The following CHST9 variants were observed in gnomAD, a reference collection of about 807,000 sequenced individuals.
CHST9 encodes the protein carbohydrate sulfotransferase 9, also known as GalNAc-4-sulfotransferase 2.
In CHST9, 41 loss-of-function variants were observed where a neutral mutation model predicts 44.4. The observed-to-expected ratio is 0.92, with a 90% CI of 0.72 to 1.20. CHST9 has a LOEUF of 1.20. Among genes scored for constraint, CHST9 ranks in the 50% most tolerant of loss-of-function variants. The pLI is 0.00. For synonymous variants in CHST9, 171 were observed against 178.4 expected (o/e 0.96, Z 0.33); for missense variants, 504 against 516.5 (o/e 0.98, Z 0.23).
chr18:27,060,780 CTGG>C, intron 2 of CHST9, among the ~76,000 whole-genome samples: 2 of 152,172 alleles, frequency 1.3e-5, no homozygotes, highest in Admixed American at 6.5e-5. Flanking sequence ...TTTGACATTT[CTGG>C]CTAATGACAT....
In CHST9 at chr18:26,914,898, A is replaced by AT. The variant is rs1364862265; in HGVS notation, c.*1360dup. The AT allele has an allele frequency of 7.5e-6, 3 of 397,744 alleles. No individual in the cohort carries two copies. Among genetic ancestry groups the AT allele is most frequent in the African/African-American group, 6.2e-5 (3 of 48,572 alleles). 24.6% of individuals were successfully genotyped at this position (397,744 alleles called of 1,614,324 possible). A position where few individuals can be genotyped will look rare whatever the true frequency, so the allele number is the denominator to read the frequency against. On this transcript the variant is annotated 3_prime_UTR_variant, in exon 6 of 6. Coordinates refer to ENST00000618847, the MANE Select transcript of CHST9 (RefSeq NM_031422.6). Reference sequence around the variant, plus strand: ...TTAAGCAGGGTTTGAAAGACTTGTGATTTTCTTAACTCGGGGTAAAAGTCG... The same window carrying AT: ...TTAAGCAGGGTTTGAAAGACTTGTGATTTTTCTTAACTCGGGGTAAAAGTCG...
At chr18:26,954,611 T>A (rs2145137226) in intron 4 of CHST9, among the ~76,000 whole-genome samples, 1 of 152,164 alleles carries the variant, frequency 6.6e-6, no homozygotes, top group East Asian at 1.9e-4. Flanking sequence ...CTTTTGCACA[T>A]GCTGTTATCT....
chr18:27,097,634 G>A (rs1225736211), intron 2 of CHST9, among the ~76,000 whole-genome samples: 3 of 152,100 alleles, frequency 2.0e-5, no homozygotes, highest in Admixed American at 6.6e-5. Context: ...GGCTTTTGGT[G>A]TTTTAGTCAT....
intron 4 of CHST9, among the ~76,000 whole-genome samples, chr18:26,977,929 T>A (rs1171084677): frequency 6.6e-6 from 1 of 151,924 alleles, no homozygotes; most frequent in East Asian, 1.9e-4. Context: ...AAAAAAAAAA[T>A]TCACAGGCTC....
chr18:27,125,111 T>G (rs891602323), intron 2 of CHST9, among the ~76,000 whole-genome samples: 41 of 152,236 alleles, frequency 2.7e-4, no homozygotes, highest in Non-Finnish European at 5.6e-4. Context: ...TATGTCTTTC[T>G]TAGCTAATTA....
At chr18:27,150,868 T>A (rs1286544088) in intron 1 of CHST9, among the ~76,000 whole-genome samples, 1 of 152,198 alleles carries the variant, frequency 6.6e-6, no homozygotes, top group African/African-American at 2.4e-5. Flanking sequence ...AAATTTATTA[T>A]AAAGCACCTT....
At chr18:27,114,819 C>T (rs1033830375) in intron 2 of CHST9, among the ~76,000 whole-genome samples, 2 of 152,114 alleles carry the variant, frequency 1.3e-5, no homozygotes, top group Non-Finnish European at 2.9e-5. Flanking sequence ...GTATAGAATA[C>T]CACATTCCAC....
At chr18:27,146,333 G>C (rs544898923) in intron 1 of CHST9, among the ~76,000 whole-genome samples, 2 of 152,158 alleles carry the variant, frequency 1.3e-5, no homozygotes, top group African/African-American at 2.4e-5. Flanking sequence ...AAGGCAATCT[G>C]GTGTAAAATG....
At chr18:26,977,056 C>A (rs955880251) in intron 4 of CHST9, among the ~76,000 whole-genome samples, 1 of 150,696 alleles carries the variant, frequency 6.6e-6, no homozygotes, top group Non-Finnish European at 1.5e-5. Context: ...ATGGGAGCAT[C>A]CTTCATGCAA....
At chr18:26,990,991 G>A (rs1219260376) in intron 4 of CHST9, among the ~76,000 whole-genome samples, 1 of 152,196 alleles carries the variant, frequency 6.6e-6, no homozygotes, top group Non-Finnish European at 1.5e-5. Flanking sequence ...AGAGAAACTT[G>A]GGGCTGAGAT....
chr18:27,023,727 A>G (rs1021588293), intron 4 of CHST9, among the ~76,000 whole-genome samples: 1 of 152,362 alleles, frequency 6.6e-6, no homozygotes, highest in African/African-American at 2.4e-5. Flanking sequence ...GTTTTACTCT[A>G]TTCATAGAGG....
At chr18:27,016,428 T>A (rs1255630524) in intron 4 of CHST9, among the ~76,000 whole-genome samples, 1 of 152,216 alleles carries the variant, frequency 6.6e-6, no homozygotes, top group East Asian at 1.9e-4. Flanking sequence ...TCCAAGTCTG[T>A]GATTAGATGC....
At chr18:27,118,891 T>C (rs1251439856) in intron 2 of CHST9, among the ~76,000 whole-genome samples, 2 of 152,136 alleles carry the variant, frequency 1.3e-5, no homozygotes, top group East Asian at 1.9e-4. Flanking sequence ...AATAATTATA[T>C]GGTTTTCAAA....
chr18:27,020,741 A>G (rs1568136056), intron 4 of CHST9, among the ~76,000 whole-genome samples: 1 of 152,218 alleles, frequency 6.6e-6, no homozygotes, highest in Non-Finnish European at 1.5e-5. Context: ...TTCCTTTATT[A>G]CTGCCATTTG....
intron 2 of CHST9, among the ~76,000 whole-genome samples, chr18:27,087,115 T>TA (rs2058020580): frequency 6.6e-6 from 1 of 152,208 alleles, no homozygotes; most frequent in Admixed American, 6.5e-5. Context: ...TGTATGAATC[T>TA]AATCATATAA....
At chr18:27,016,585 C>T (rs1335624163) in intron 4 of CHST9, among the ~76,000 whole-genome samples, 5 of 152,162 alleles carry the variant, frequency 3.3e-5, no homozygotes, top group Non-Finnish European at 7.4e-5. Context: ...GGTACCTGGA[C>T]GTTTGCTCAC....
intron 2 of CHST9, among the ~76,000 whole-genome samples, chr18:27,100,791 T>C (rs1430704821): frequency 6.6e-6 from 1 of 152,196 alleles, no homozygotes; most frequent in Non-Finnish European, 1.5e-5. Context: ...GCCTCAAATA[T>C]GTTTGTCACA....
rs1197396985 is a variant in CHST9, at chr18:26,914,756, C to T, written c.*1503G>A. ...ATGAAATAAGTATGACTGCAACTAT[C>T]TTGGTCTATTAACATTCAACTATTA... On this transcript the variant is annotated 3_prime_UTR_variant, in exon 6 of 6. Coordinates refer to ENST00000618847, the MANE Select transcript of CHST9 (RefSeq NM_031422.6). The T allele has an allele frequency of 5.1e-6, 2 of 393,334 alleles. No homozygotes were observed. Among genetic ancestry groups the T allele is most frequent in the Non-Finnish European group, 9.0e-6 (2 of 223,104 alleles). 24.4% of individuals were successfully genotyped at this position (393,334 alleles called of 1,614,324 possible). A position where few individuals can be genotyped will look rare whatever the true frequency, so the allele number is the denominator to read the frequency against.
chr18:26,987,080 G>A (rs1026942837), intron 4 of CHST9, among the ~76,000 whole-genome samples: 1 of 152,190 alleles, frequency 6.6e-6, no homozygotes, highest in Admixed American at 6.5e-5. Flanking sequence ...ATGGGGCAGT[G>A]TTGGGAGATG....
Sources: gnomAD v4.1 joint callset for allele counts (sites outside exome capture counted in the v4.1 genomes callset) on GRCh38, gnomAD v4.1.1 for gene constraint, MANE v1.5 for transcripts, NCBI Gene and HGNC (gene_info 2026-07-23, HGNC 2026-07-21) for gene names.